The following SH3RF3 variants were observed in gnomAD, a reference collection of about 807,000 sequenced individuals.
The protein encoded by SH3RF3 is SH3 domain containing ring finger 3.
SH3RF3 carries 29 observed loss-of-function variants against 66.3 expected under a neutral mutation model. The ratio of observed to expected loss-of-function variants is 0.44; its 90% CI spans 0.33 to 0.60. The LOEUF is 0.60. SH3RF3 is among the 20% of genes least tolerant of loss of function. The pLI, the probability that SH3RF3 is intolerant of heterozygous loss-of-function variation, is 0.04. For missense variants in SH3RF3, 1,194 were observed against 1,190.9 expected, an observed-to-expected ratio of 1.00 and a Z score of -0.04; for synonymous variants, 583 against 532.0, an observed-to-expected ratio of 1.10 and a Z score of -1.32.
chr2:109,355,767 T>A lies in SH3RF3; in HGVS notation c.849+7818T>A, dbSNP rs75995355. On this transcript the variant is annotated intron_variant, in intron 2 of 9. Coordinates refer to ENST00000309415, the MANE Select transcript of SH3RF3 (RefSeq NM_001099289.3). ...AACACGCAGGTCCATGCCATGCGGA[T>A]CAGTCTTGCCGTCTTCATATACAAA... 6.3e-3 allele frequency among the ~76,000 whole-genome samples: 967 copies of A among 152,320 alleles called. 10 individuals are homozygous for A. Among genetic ancestry groups the A allele is most frequent in the East Asian group, 0.048 (250 of 5,178 alleles).
intron 4 of SH3RF3, among the ~76,000 whole-genome samples, chr2:109,401,399 A>G (rs1022168036): frequency 6.6e-6 from 1 of 152,162 alleles, no homozygotes; most frequent in African/African-American, 2.4e-5. Context: ...CCTTCCTCCT[A>G]GAAGAGCAAA....
At chr2:109,322,868 G>T (rs1207441348) in intron 1 of SH3RF3, among the ~76,000 whole-genome samples, 2 of 152,190 alleles carry the variant, frequency 1.3e-5, no homozygotes, top group Non-Finnish European at 2.9e-5. Context: ...ATCAATTAAA[G>T]TTCCATGCAC....
chr2:109,278,912 G>C (rs1368567886), intron 1 of SH3RF3, among the ~76,000 whole-genome samples: 2 of 152,208 alleles, frequency 1.3e-5, no homozygotes, highest in Non-Finnish European at 2.9e-5. Context: ...CTGGGCAGTA[G>C]TACACCCGAG....
At chr2:109,500,226 A>T (rs1404518005) in intron 9 of SH3RF3, among the ~76,000 whole-genome samples, 1 of 152,130 alleles carries the variant, frequency 6.6e-6, no homozygotes, top group Non-Finnish European at 1.5e-5. Context: ...AAGTTGTTAT[A>T]GGCAGAGGTG....
At chr2:109,322,688 G>A (rs1682053901) in intron 1 of SH3RF3, among the ~76,000 whole-genome samples, 1 of 152,176 alleles carries the variant, frequency 6.6e-6, no homozygotes, top group Non-Finnish European at 1.5e-5. Context: ...TGAGCACACA[G>A]GGCACCCACA....
intron 1 of SH3RF3, among the ~76,000 whole-genome samples, chr2:109,236,329 C>T (rs1679649465): frequency 6.6e-6 from 1 of 152,102 alleles, no homozygotes; most frequent in Non-Finnish European, 1.5e-5. Flanking sequence ...TGAGCAATGC[C>T]CAGCAGTGCC....
At chr2:109,232,425 C>G (rs1219686731) in intron 1 of SH3RF3, among the ~76,000 whole-genome samples, 4 of 152,194 alleles carry the variant, frequency 2.6e-5, no homozygotes, top group Non-Finnish European at 4.4e-5. Context: ...CTTAATTTCT[C>G]TGAGCCCTGG....
chr2:109,194,855 AC>A (rs1422178103), intron 1 of SH3RF3, among the ~76,000 whole-genome samples: 1 of 151,990 alleles, frequency 6.6e-6, no homozygotes, highest in Non-Finnish European at 1.5e-5. Flanking sequence ...CATATAGAGA[AC>A]CCTTAGCTTG....
intron 1 of SH3RF3, among the ~76,000 whole-genome samples, chr2:109,168,812 G>A (rs890936134): frequency 2.0e-5 from 3 of 152,200 alleles, no homozygotes; most frequent in Non-Finnish European, 4.4e-5. Flanking sequence ...TGTCTTCCTG[G>A]TGGGCAACTG....
At chr2:109,162,562 T>A (rs1318958705) in intron 1 of SH3RF3, among the ~76,000 whole-genome samples, 4 of 152,232 alleles carry the variant, frequency 2.6e-5, no homozygotes, top group African/African-American at 9.6e-5. Flanking sequence ...GAACTCATCA[T>A]TTTTTATGGC....
chr2:109,244,395 T>C (rs1434475243), intron 1 of SH3RF3, among the ~76,000 whole-genome samples: 1 of 152,176 alleles, frequency 6.6e-6, no homozygotes, highest in Non-Finnish European at 1.5e-5. Context: ...TGAAAGTAAA[T>C]ACTATATTCA....
intron 8 of SH3RF3, among the ~76,000 whole-genome samples, chr2:109,468,697 T>C (rs1573277265): frequency 6.6e-6 from 1 of 150,924 alleles, no homozygotes; most frequent in Admixed American, 6.6e-5. Context: ...CTATTAAAAA[T>C]AAAAAAATGA....
chr2:109,339,893 AT>A (rs1271233703), intron 1 of SH3RF3, among the ~76,000 whole-genome samples: 6 of 152,222 alleles, frequency 3.9e-5, no homozygotes, highest in African/African-American at 1.4e-4. Context: ...ACAGATAATT[AT>A]CAGGGCTCCA....
chr2:109,292,386 T>C (rs1267784084), intron 1 of SH3RF3, among the ~76,000 whole-genome samples: 1 of 152,256 alleles, frequency 6.6e-6, no homozygotes, highest in African/African-American at 2.4e-5. Context: ...TTTTGTATCC[T>C]GGTCTTTTCA....
At chr2:109,214,474 A>C (rs1422051400) in intron 1 of SH3RF3, among the ~76,000 whole-genome samples, 2 of 119,906 alleles carry the variant, frequency 1.7e-5, no homozygotes, top group Non-Finnish European at 3.6e-5. Flanking sequence ...TAGAAAAGAG[A>C]AAAAAAAAAA....
At chr2:109,307,605 G>T (rs1276173160) in intron 1 of SH3RF3, among the ~76,000 whole-genome samples, 2 of 126,434 alleles carry the variant, frequency 1.6e-5, no homozygotes, top group African/African-American at 3.3e-5. Flanking sequence ...CCCAGAGTGT[G>T]ATATTCCCCT....
intron 8 of SH3RF3, among the ~76,000 whole-genome samples, chr2:109,455,501 A>T (rs1324826363): frequency 2.0e-5 from 3 of 149,424 alleles, no homozygotes; most frequent in African/African-American, 7.4e-5. Context: ...CCCATTAAAT[A>T]TATGTATATC....
intron 1 of SH3RF3, among the ~76,000 whole-genome samples, chr2:109,269,541 G>A (rs907383434): frequency 2.0e-5 from 3 of 152,224 alleles, no homozygotes; most frequent in African/African-American, 7.2e-5. Context: ...AGCACTTTGG[G>A]AGGCCAAGTC....
chr2:109,337,875 G>A (rs1682460995), intron 1 of SH3RF3, among the ~76,000 whole-genome samples: 1 of 151,676 alleles, frequency 6.6e-6, no homozygotes, highest in African/African-American at 2.4e-5. Context: ...CTGCAGGCAT[G>A]CACCACCACG....
Sources: allele counts gnomAD v4.1 joint callset (sites outside exome capture counted in the v4.1 genomes callset), GRCh38; gene constraint gnomAD v4.1.1; transcripts MANE v1.5; gene names NCBI Gene and HGNC (gene_info 2026-07-23, HGNC 2026-07-21).